LYPD6B: variants seen among roughly 807,000 people sequenced by gnomAD.
The protein encoded by LYPD6B is ly6/PLAUR domain-containing protein 6B.
In LYPD6B, 17 loss-of-function variants were observed where a neutral mutation model predicts 22.8. The observed-to-expected ratio is 0.75, with a 90% CI of 0.51 to 1.12. The LOEUF (loss-of-function observed/expected upper bound fraction) is 1.12, where lower values mean the gene tolerates loss of function less well. Ranked by LOEUF, LYPD6B falls within the 50% of genes most tolerant of loss-of-function variation. The probability of loss-of-function intolerance (pLI) is 0.00; values close to 1 mark genes in which losing one functional copy is unlikely to be tolerated. For missense variants in LYPD6B, 221 were observed against 258.3 expected, an observed-to-expected ratio of 0.86 and a Z score of 0.99; for synonymous variants, 106 against 91.6, an observed-to-expected ratio of 1.16 and a Z score of -0.90.
chr2:149,081,864 G>A (rs1483925781), intron 1 of LYPD6B, among the ~76,000 whole-genome samples: 1 of 151,828 alleles, frequency 6.6e-6, no homozygotes, highest in Non-Finnish European at 1.5e-5. Context: ...ACTTCTTTAG[G>A]TCAACATTAT....
At chr2:149,087,320 GA>G (rs1170863085) in intron 1 of LYPD6B, among the ~76,000 whole-genome samples, 2 of 151,994 alleles carry the variant, frequency 1.3e-5, no homozygotes, top group African/African-American at 2.4e-5. Context: ...AGTTTAGTGA[GA>G]AAAAAATACC....
intron 1 of LYPD6B, among the ~76,000 whole-genome samples, chr2:149,097,472 G>C (rs1263125017): frequency 1.3e-5 from 2 of 152,166 alleles, no homozygotes; most frequent in African/African-American, 4.8e-5. Context: ...ATTATTTATT[G>C]TTTTCCTGAA....
intron 2 of LYPD6B, among the ~76,000 whole-genome samples, chr2:149,157,685 T>A (rs1194384230): frequency 6.6e-6 from 1 of 152,190 alleles, no homozygotes; most frequent in Non-Finnish European, 1.5e-5. Context: ...TCCATACACG[T>A]TGAAGGTGAA....
At chr2:149,182,457 G>A (rs1559060240) in intron 3 of LYPD6B, among the ~76,000 whole-genome samples, 1 of 152,178 alleles carries the variant, frequency 6.6e-6, no homozygotes, top group African/African-American at 2.4e-5. Flanking sequence ...TTAATCATCA[G>A]ATAAATACTT....
At chr2:149,139,952 G>A (rs1688588151) in intron 2 of LYPD6B, among the ~76,000 whole-genome samples, 2 of 152,170 alleles carry the variant, frequency 1.3e-5, no homozygotes, top group South Asian at 4.1e-4. Context: ...AAAGCCCATG[G>A]GTGGGAAGAA....
At position 149,172,212 on chromosome 2, in the gene LYPD6B, G is replaced by A. The variant is rs376452145; in HGVS notation, c.77+11377G>A. The stretch of plus-strand genomic sequence containing the variant: ...AAGCCCCTTATAAACTTATTAGACC[G>A]TATGAGAATTCACTCACTATCACAA... On this transcript the variant is annotated intron_variant, in intron 3 of 6. Transcript: ENST00000409642. Among the ~76,000 whole-genome samples, 7 of 152,114 alleles carry A rather than the reference G, an allele frequency of 4.6e-5. No homozygotes were observed. In the East Asian group the frequency reaches 9.6e-4, roughly 21 times the overall value.
At chr2:149,140,658 A>G (rs1474308330) in intron 2 of LYPD6B, among the ~76,000 whole-genome samples, 1 of 152,182 alleles carries the variant, frequency 6.6e-6, no homozygotes, top group Admixed American at 6.5e-5. Context: ...CTTTTGTAGC[A>G]TTGGTGTTGT....
intron 1 of LYPD6B, among the ~76,000 whole-genome samples, chr2:149,065,665 A>G (rs1010773171): frequency 3.3e-5 from 5 of 152,158 alleles, no homozygotes; most frequent in East Asian, 1.9e-4. Flanking sequence ...ATCAGGTTCT[A>G]TCACCTGTGG....
At chr2:149,123,387 A>G (rs1414991396) in intron 1 of LYPD6B, among the ~76,000 whole-genome samples, 4 of 152,174 alleles carry the variant, frequency 2.6e-5, no homozygotes, top group Non-Finnish European at 5.9e-5. Context: ...TTGTTTTCTA[A>G]GTAACACCCT....
chr2:149,192,971 G>T (rs908123374), intron 3 of LYPD6B, among the ~76,000 whole-genome samples: 21 of 152,076 alleles, frequency 1.4e-4, no homozygotes, highest in Non-Finnish European at 2.4e-4. Context: ...TACATGTGCT[G>T]TGCTCGCTTC....
chr2:149,063,879 T>C (rs1684206858), intron 1 of LYPD6B, among the ~76,000 whole-genome samples: 1 of 152,240 alleles, frequency 6.6e-6, no homozygotes. Context: ...AATATTTTAA[T>C]TTAAAACTTC....
chr2:149,079,032 A>G (rs1429731860), intron 1 of LYPD6B, among the ~76,000 whole-genome samples: 2 of 149,378 alleles, frequency 1.3e-5, no homozygotes, highest in Non-Finnish European at 3.0e-5. Context: ...ATGCTTATTT[A>G]AAATGCCATT....
intron 3 of LYPD6B, among the ~76,000 whole-genome samples, chr2:149,197,824 T>A (rs976141083): frequency 6.6e-6 from 1 of 152,158 alleles, no homozygotes; most frequent in Non-Finnish European, 1.5e-5. Flanking sequence ...AGAGCTTTAA[T>A]GCATACATGA....
At chr2:149,099,012 A>T (rs1686061274) in intron 1 of LYPD6B, among the ~76,000 whole-genome samples, 1 of 152,210 alleles carries the variant, frequency 6.6e-6, no homozygotes, top group Admixed American at 6.5e-5. Flanking sequence ...CTCCATATAT[A>T]ACTGTTGATG....
intron 2 of LYPD6B, among the ~76,000 whole-genome samples, chr2:149,138,150 A>G (rs1350588120): frequency 6.6e-6 from 1 of 152,186 alleles, no homozygotes; most frequent in African/African-American, 2.4e-5. Flanking sequence ...AACACAAATT[A>G]TGTTCTCTTT....
chr2:149,108,582 T>C (rs1481644803), intron 1 of LYPD6B, among the ~76,000 whole-genome samples: 1 of 152,214 alleles, frequency 6.6e-6, no homozygotes, highest in African/African-American at 2.4e-5. Context: ...AACCTGTTTA[T>C]GTTTACGTTT....
chr2:149,134,804 A>T (rs1250336039), intron 2 of LYPD6B, among the ~76,000 whole-genome samples: 1 of 152,228 alleles, frequency 6.6e-6, no homozygotes. Context: ...GGGCTACTTG[A>T]TCAAGATCTT....
intron 1 of LYPD6B, among the ~76,000 whole-genome samples, chr2:149,095,404 G>A (rs1453388347): frequency 1.3e-5 from 2 of 152,222 alleles, no homozygotes; most frequent in Non-Finnish European, 2.9e-5. Flanking sequence ...AAATACAGTT[G>A]AAGACGTTTA....
At chr2:149,087,297 T>C (rs1685445827) in intron 1 of LYPD6B, among the ~76,000 whole-genome samples, 1 of 152,206 alleles carries the variant, frequency 6.6e-6, no homozygotes, top group African/African-American at 2.4e-5. Context: ...TAAGGAGTCA[T>C]CTATAATAAT....
Sources: allele counts gnomAD v4.1 joint callset (sites outside exome capture counted in the v4.1 genomes callset), GRCh38; gene constraint gnomAD v4.1.1; transcripts MANE v1.5; gene names NCBI Gene and HGNC (gene_info 2026-07-23, HGNC 2026-07-21).